The following SUCLA2 variants were observed in gnomAD, a reference collection of about 807,000 sequenced individuals.
The protein encoded by SUCLA2 is succinate--CoA ligase [ADP-forming] subunit beta, mitochondrial.
SUCLA2 carries 30 observed loss-of-function variants against 54.8 expected under a neutral mutation model. The ratio of observed to expected loss-of-function variants is 0.55; its 90% CI spans 0.41 to 0.74. The LOEUF (loss-of-function observed/expected upper bound fraction) is 0.74. Ranked by LOEUF, SUCLA2 falls within the 30% of genes least tolerant of loss-of-function variation. SUCLA2 has a pLI of 0.00. For synonymous variants in SUCLA2, 172 were observed against 188.9 expected, an observed-to-expected ratio of 0.91 and a Z score of 0.74; for missense variants, 476 against 562.9, an observed-to-expected ratio of 0.85 and a Z score of 1.56.
chr13:47,954,071 T>C, intron 8 of SUCLA2, 69 bp downstream of exon 8: 1 of 1,239,310 alleles, frequency 8.1e-7, no homozygotes, highest in East Asian at 3.0e-5. Context: ...AACATAAAAA[T>C]ATACATTTTT....
At chr13:47,972,600 C>T (rs1216718490) in intron 5 of SUCLA2, among the ~76,000 whole-genome samples, 6 of 142,922 alleles carry the variant, frequency 4.2e-5, no homozygotes, top group African/African-American at 1.0e-4. Context: ...TCCTGGGAGG[C>T]GGAGGTTGTG....
At chr13:48,000,802 TC>T in intron 1 of SUCLA2, 12 of 1,022,034 alleles carry the variant, frequency 1.2e-5, no homozygotes, top group Non-Finnish European at 1.3e-5. Flanking sequence ...TGAAGGGCAT[TC>T]CCCCCTGCCC....
In SUCLA2 at chr13:48,001,224, G is replaced by C. The variant is rs1237273718; in HGVS notation, c.46C>G (p.Leu16Val). 1.9e-6 allele frequency: 3 copies of C among 1,608,114 alleles called. No homozygotes were observed. The highest frequency in any genetic ancestry group is 2.7e-5 in the African/African-American group (2 of 74,854). Residue 16 changes from leucine (L) to valine (V), a missense_variant, in exon 1 of 11, where the codon CTT (leucine) becomes GTT (valine). Transcript: ENST00000646932. ...GCCGTCCGAGGCCGGTGGTTCCGAA[G>C]GGTGGCCACGGCCACTAGCCTGCCG... Reference protein sequence around the residue: ...FYGRLVAVATLRNHRPRTAQR... With the variant: ...FYGRLVAVATVRNHRPRTAQR...
intron 6 of SUCLA2, among the ~76,000 whole-genome samples, chr13:47,968,280 C>G (rs1341124481): frequency 6.6e-6 from 1 of 152,074 alleles, no homozygotes; most frequent in Admixed American, 6.6e-5. Flanking sequence ...ATTTTTAAAT[C>G]TTATGTAACT....
intron 5 of SUCLA2, among the ~76,000 whole-genome samples, chr13:47,972,533 T>C (rs1293819711): frequency 2.7e-5 from 4 of 150,618 alleles, no homozygotes; most frequent in African/African-American, 9.7e-5. Flanking sequence ...GCCAGGTGTG[T>C]TGGCAGGTGC....
At chr13:47,992,107 C>T (rs1268264494) in intron 2 of SUCLA2, among the ~76,000 whole-genome samples, 1 of 152,102 alleles carries the variant, frequency 6.6e-6, no homozygotes, top group Non-Finnish European at 1.5e-5. Context: ...AAGAGAACTA[C>T]AAGGCAAACA....
intron 1 of SUCLA2, among the ~76,000 whole-genome samples, chr13:48,000,172 T>C (rs1350598885): frequency 6.7e-6 from 1 of 149,142 alleles, no homozygotes; most frequent in Non-Finnish European, 1.5e-5. Flanking sequence ...GGGAGGGCCC[T>C]AAATCAATTC....
At chr13:47,945,052 C>G (rs1177898063) in intron 10 of SUCLA2, among the ~76,000 whole-genome samples, 1 of 151,844 alleles carries the variant, frequency 6.6e-6, no homozygotes, top group Non-Finnish European at 1.5e-5. Context: ...GGGTTCAAGA[C>G]CAGCCTGACC....
rs978353744 is a variant in SUCLA2 at position 47,964,119 on chromosome 13, G to T, written c.802+4476C>A. Among the ~76,000 whole-genome samples the T allele has an allele frequency of 1.2e-4, 18 of 152,124 alleles. 1 individual carries two copies. Among genetic ancestry groups the T allele is most frequent in the Admixed American group, 1.0e-3 (16 of 15,268 alleles). On this transcript the variant is annotated intron_variant, in intron 6 of 10. Transcript: ENST00000646932. ...TGAAATCAGGTACTTCTATACAGTG[G>T]AATGCTACTCAGCAATGAAAAAGAA...
At chr13:47,944,032 T>C (rs1261106023) in intron 10 of SUCLA2, among the ~76,000 whole-genome samples, 3 of 152,100 alleles carry the variant, frequency 2.0e-5, no homozygotes, top group East Asian at 3.9e-4. Flanking sequence ...CAAAACATCA[T>C]ACAAATTTAG....
intron 10 of SUCLA2, chr13:47,945,643 G>GACACACACACACACACAC (rs773399228): frequency 7.7e-4 from 86 of 111,584 alleles, no homozygotes; most frequent in African/African-American, 2.4e-3. Context: ...GGAAAAGGGA[G>GACACACACACACACACAC]ACACACACAC....
chr13:47,950,789 G>A (rs1340257807), intron 8 of SUCLA2, among the ~76,000 whole-genome samples: 1 of 152,284 alleles, frequency 6.6e-6, no homozygotes, highest in Non-Finnish European at 1.5e-5. Flanking sequence ...TTCTGGGGCA[G>A]CAGGAGCCTC....
intron 6 of SUCLA2, among the ~76,000 whole-genome samples, chr13:47,963,636 C>T (rs115780747): frequency 0.013 from 1,710 of 133,916 alleles, 34 homozygotes; most frequent in African/African-American, 0.045. Context: ...CAGAACGAGA[C>T]TCTGTCCCAA....
intron 6 of SUCLA2, among the ~76,000 whole-genome samples, chr13:47,955,751 C>G (rs1356185527): frequency 4.6e-5 from 7 of 152,194 alleles, no homozygotes; most frequent in Non-Finnish European, 1.0e-4. Context: ...CAGCACTCTA[C>G]CAAAATGGCT....
Position 47,954,442 on chromosome 13 carries a change from C to A in SUCLA2, c.918G>T (p.Lys306Asn). The change falls in exon 7 of 11, where the codon AAG (lysine) becomes AAT (asparagine). Residue 306 changes from lysine to asparagine, a missense_variant. This residue lies in a region of SUCLA2 where 342 missense variants were observed against 444.2 expected (regional missense o/e 0.77). Transcript: ENST00000646932. ...CGAGGCCAATGTAGTTGAGATTTGCCTTAGCAGCATCTTTGTCCCTTTCAT... is the reference window on the plus strand; with the variant it reads ...CGAGGCCAATGTAGTTGAGATTTGCATTAGCAGCATCTTTGTCCCTTTCAT... ...QEDERDKDAA[K>N]ANLNYIGLDG... The A allele has an allele frequency of 6.2e-7, 1 of 1,613,996 alleles. No individual in the cohort carries two copies. Among genetic ancestry groups the A allele is most frequent in the East Asian group, 2.2e-5 (1 of 44,866 alleles).
chr13:47,985,539 C>G (rs1195856392), intron 4 of SUCLA2, among the ~76,000 whole-genome samples: 2 of 152,152 alleles, frequency 1.3e-5, no homozygotes, highest in African/African-American at 2.4e-5. Flanking sequence ...CTTCCAACTC[C>G]ATCCATATCC....
chr13:47,963,161 C>T (rs2137706987), intron 6 of SUCLA2, among the ~76,000 whole-genome samples: 1 of 152,326 alleles, frequency 6.6e-6, no homozygotes, highest in African/African-American at 2.4e-5. Flanking sequence ...GCTGTCTGCG[C>T]AGCAGGACCT....
chr13:47,998,296 TAA>T (rs58573331), intron 1 of SUCLA2, among the ~76,000 whole-genome samples: 98,931 of 135,934 alleles, frequency 0.73, 35,939 homozygotes, highest in Non-Finnish European at 0.81. Context: ...ATAAATAAGT[TAA>T]AAAAAAAAAA....
At chr13:47,978,990 G>T (rs867347293) in intron 4 of SUCLA2, among the ~76,000 whole-genome samples, 1 of 152,204 alleles carries the variant, frequency 6.6e-6, no homozygotes, top group Admixed American at 6.5e-5. Context: ...AGTTAGAATG[G>T]TGATCATTAA....
Sources: allele counts gnomAD v4.1 joint callset (sites outside exome capture counted in the v4.1 genomes callset), GRCh38; gene constraint gnomAD v4.1.1; regional missense constraint gnomAD v4.1.1; transcripts MANE v1.5; gene names NCBI Gene and HGNC (gene_info 2026-07-23, HGNC 2026-07-21).